The following CSMD1 variants were observed in gnomAD, a reference collection of about 807,000 sequenced individuals.
CSMD1 encodes CUB and sushi domain-containing protein 1.
A neutral mutation model predicts 417.5 loss-of-function variants in CSMD1; 213 were observed. The ratio of observed to expected loss-of-function variants is 0.51; its 90% CI spans 0.46 to 0.57. The LOEUF (loss-of-function observed/expected upper bound fraction) is 0.57, where lower values mean the gene tolerates loss of function less well. Ranked by LOEUF, CSMD1 falls within the 20% of genes least tolerant of loss-of-function variation. CSMD1 has a pLI of 0.00. For synonymous variants in CSMD1, 2,862 were observed against 1,736.8 expected, an observed-to-expected ratio of 1.65 and a Z score of -16.11; for missense variants, 6,923 against 4,529.7, an observed-to-expected ratio of 1.53 and a Z score of -15.17.
intron 3 of CSMD1, among the ~76,000 whole-genome samples, chr8:4,226,508 A>G (rs1436546055): frequency 1.3e-5 from 2 of 152,188 alleles, no homozygotes; most frequent in Non-Finnish European, 2.9e-5. Flanking sequence ...AACAGAACCT[A>G]TAATGAGTCA....
chr8:4,947,854 A>G (rs1245966561), intron 1 of CSMD1, among the ~76,000 whole-genome samples: 3 of 152,168 alleles, frequency 2.0e-5, no homozygotes, highest in Non-Finnish European at 2.9e-5. Context: ...CCTCACTGCT[A>G]TACAAAATAT....
intron 3 of CSMD1, among the ~76,000 whole-genome samples, chr8:4,396,319 T>C (rs945482169): frequency 1.4e-5 from 2 of 140,964 alleles, no homozygotes; most frequent in East Asian, 2.0e-4. Context: ...AAAAAAAAAA[T>C]AGCCAGGCAT....
chr8:4,135,506 C>G (rs1051568457), intron 3 of CSMD1, among the ~76,000 whole-genome samples: 1 of 151,962 alleles, frequency 6.6e-6, no homozygotes, highest in Admixed American at 6.6e-5. Context: ...AAAACCAAAG[C>G]TTTAGGAAAG....
intron 3 of CSMD1, among the ~76,000 whole-genome samples, chr8:4,092,725 C>G (rs1051321510): frequency 6.6e-6 from 1 of 152,062 alleles, no homozygotes; most frequent in East Asian, 1.9e-4. Flanking sequence ...ATTTTGACAA[C>G]TTTTTAACTT....
intron 7 of CSMD1, among the ~76,000 whole-genome samples, chr8:3,694,467 G>C (rs1391169727): frequency 6.6e-6 from 1 of 152,106 alleles, no homozygotes; most frequent in African/African-American, 2.4e-5. Context: ...GGGAAAGACG[G>C]CCAGGCCGAA....
rs73660831 is a variant in CSMD1, at chr8:4,445,213, T to A, written c.303-25148A>T. On this transcript the variant is annotated intron_variant, in intron 2 of 69. Transcript: ENST00000635120. ...GTGCAGAATCCTGGTTAAGACTACT[T>A]TCTTCATTGTTTGACCATTATTTTT... Among the ~76,000 whole-genome samples the A allele has an allele frequency of 6.5e-3, 997 of 152,294 alleles. 13 individuals carry two copies. The highest frequency in any genetic ancestry group is 0.023 in the African/African-American group (950 of 41,558).
intron 3 of CSMD1, among the ~76,000 whole-genome samples, chr8:4,071,461 T>G (rs998787254): frequency 6.6e-6 from 1 of 152,200 alleles, no homozygotes; most frequent in East Asian, 1.9e-4. Flanking sequence ...AACGCCTATT[T>G]TTTTCCTGAT....
intron 5 of CSMD1, among the ~76,000 whole-genome samples, chr8:3,828,830 T>G (rs116635271): frequency 2.0e-5 from 3 of 152,016 alleles, no homozygotes; most frequent in African/African-American, 7.2e-5. Flanking sequence ...TCACTCTTGA[T>G]TGCAAAACTC....
chr8:3,402,411 C>G (rs1169462174), intron 15 of CSMD1, among the ~76,000 whole-genome samples: 1 of 152,092 alleles, frequency 6.6e-6, no homozygotes, highest in African/African-American at 2.4e-5. Context: ...CATGTATAGT[C>G]ATTTTTCCCC....
intron 3 of CSMD1, among the ~76,000 whole-genome samples, chr8:4,040,697 A>G (rs145417020): frequency 2.5e-4 from 38 of 152,268 alleles, no homozygotes; most frequent in African/African-American, 8.4e-4. Context: ...AGGCAAATTC[A>G]TATAATAGCA....
At chr8:4,705,199 G>A (rs1275436607) in intron 1 of CSMD1, among the ~76,000 whole-genome samples, 2 of 152,120 alleles carry the variant, frequency 1.3e-5, no homozygotes, top group African/African-American at 4.8e-5. Context: ...TCCCACCCAT[G>A]AAGAACTGTG....
chr8:4,566,104 G>A (rs1426586436), intron 2 of CSMD1, among the ~76,000 whole-genome samples: 2 of 151,966 alleles, frequency 1.3e-5, no homozygotes, highest in South Asian at 2.1e-4. Context: ...ATCCAGAATT[G>A]TACTTTCCAG....
At chr8:3,137,459 G>A (rs922001029) in intron 41 of CSMD1, among the ~76,000 whole-genome samples, 11 of 152,246 alleles carry the variant, frequency 7.2e-5, no homozygotes, top group African/African-American at 2.2e-4. Flanking sequence ...AAGGCACTGC[G>A]CTTCCTGCTG....
At chr8:4,770,931 C>A (rs993857311) in intron 1 of CSMD1, among the ~76,000 whole-genome samples, 1 of 152,056 alleles carries the variant, frequency 6.6e-6, no homozygotes, top group African/African-American at 2.4e-5. Context: ...AAAATTCAGG[C>A]TACAGAACAA....
chr8:4,925,947 G>A (rs1235860018), intron 1 of CSMD1, among the ~76,000 whole-genome samples: 1 of 152,016 alleles, frequency 6.6e-6, no homozygotes, highest in Admixed American at 6.6e-5. Flanking sequence ...TCCAGCCAGA[G>A]GTTTATATTT....
chr8:4,808,198 C>A (rs1798697887), intron 1 of CSMD1, among the ~76,000 whole-genome samples: 2 of 152,140 alleles, frequency 1.3e-5, no homozygotes, highest in South Asian at 4.1e-4. Flanking sequence ...GGTTTCATTG[C>A]CAGCACCAGT....
At chr8:3,496,463 T>C (rs1796369199) in intron 10 of CSMD1, among the ~76,000 whole-genome samples, 1 of 152,258 alleles carries the variant, frequency 6.6e-6, no homozygotes, top group Non-Finnish European at 1.5e-5. Flanking sequence ...GAGTGTTTAT[T>C]TGAAATCTTT....
At chr8:3,834,698 A>G (rs1464983526) in intron 5 of CSMD1, among the ~76,000 whole-genome samples, 2 of 152,088 alleles carry the variant, frequency 1.3e-5, no homozygotes, top group African/African-American at 2.4e-5. Context: ...GTTGGTGTCA[A>G]AAGTCTTGGG....
chr8:4,710,790 A>G (rs567140654), intron 1 of CSMD1, among the ~76,000 whole-genome samples: 1 of 151,958 alleles, frequency 6.6e-6, no homozygotes, highest in South Asian at 2.1e-4. Context: ...GGATGACATG[A>G]GCCAAGATCG....
Sources: allele counts gnomAD v4.1 joint callset (sites outside exome capture counted in the v4.1 genomes callset), GRCh38; gene constraint gnomAD v4.1.1; transcripts MANE v1.5; gene names NCBI Gene and HGNC (gene_info 2026-07-23, HGNC 2026-07-21).